The following SGTB variants were observed in gnomAD, a reference collection of about 807,000 sequenced individuals.
The protein encoded by SGTB is small glutamine rich tetratricopeptide repeat co-chaperone beta.
In SGTB, 19 loss-of-function variants were observed where a neutral mutation model predicts 43.9. That is an observed-to-expected ratio of 0.43 (90% CI 0.30 to 0.63). The LOEUF (loss-of-function observed/expected upper bound fraction) is 0.63. SGTB is among the 30% of genes least tolerant of loss of function. The pLI is 0.12. For synonymous variants in SGTB, 116 were observed against 117.3 expected, an observed-to-expected ratio of 0.99 and a Z score of 0.07; for missense variants, 304 against 358.9, an observed-to-expected ratio of 0.85 and a Z score of 1.24.
chr5:65,675,162 G>C (rs1461024439), intron 8 of SGTB, among the ~76,000 whole-genome samples: 2 of 152,192 alleles, frequency 1.3e-5, no homozygotes, highest in Admixed American at 6.5e-5. Flanking sequence ...TATTGGACCA[G>C]AGCGTGTATG....
intron 5 of SGTB, among the ~76,000 whole-genome samples, chr5:65,698,289 C>T (rs540522568): frequency 3.3e-5 from 5 of 152,302 alleles, no homozygotes; most frequent in Admixed American, 3.3e-4. Context: ...TAATGATATG[C>T]ATGCTAAGTA....
At chr5:65,686,421 C>A (rs1460212498) in intron 5 of SGTB, among the ~76,000 whole-genome samples, 1 of 152,200 alleles carries the variant, frequency 6.6e-6, no homozygotes, top group African/African-American at 2.4e-5. Context: ...GAGTCTCACG[C>A]CAACCCAAGT....
chr5:65,697,878 A>T (rs1757741529), intron 5 of SGTB, among the ~76,000 whole-genome samples: 1 of 152,250 alleles, frequency 6.6e-6, no homozygotes, highest in Non-Finnish European at 1.5e-5. Flanking sequence ...AATATTATTG[A>T]TCAATAAAAA....
At chr5:65,713,910 T>C (rs1203088074) in intron 2 of SGTB, among the ~76,000 whole-genome samples, 3 of 151,862 alleles carry the variant, frequency 2.0e-5, no homozygotes, top group African/African-American at 7.3e-5. Flanking sequence ...ACACCTATGG[T>C]CCCAGCTACT....
chr5:65,699,151 G>C (rs1359119196), intron 5 of SGTB, among the ~76,000 whole-genome samples: 1 of 152,214 alleles, frequency 6.6e-6, no homozygotes, highest in East Asian at 1.9e-4. Context: ...CGGCCAATGA[G>C]TGGATAAAGA....
chr5:65,709,246 G>A lies in SGTB; in HGVS notation c.205-688C>T, dbSNP rs138307319. Among the ~76,000 whole-genome samples the A allele has an allele frequency of 9.3e-3, 1,411 of 151,914 alleles. 28 individuals carry two copies. Among genetic ancestry groups the A allele is most frequent in the African/African-American group, 0.032 (1,332 of 41,422 alleles). Reference sequence around the variant, plus strand: ...TCCTATCTAAGATATACCCTACTAAGTCAAAATCACAATCTACAAAAAATC... The same window carrying A: ...TCCTATCTAAGATATACCCTACTAAATCAAAATCACAATCTACAAAAAATC... On this transcript the variant is annotated intron_variant, in intron 3 of 10. Transcript: ENST00000381007.
chr5:65,713,172 C>G, intron 2 of SGTB, 108 bp from the exon 3 acceptor site: 1 of 759,326 alleles, frequency 1.3e-6, no homozygotes, highest in Non-Finnish European at 2.1e-6. Context: ...TTTATGATCA[C>G]AGAACATAAG....
At position 65,668,269 on chromosome 5, in the gene SGTB, A is replaced by C. The variant is rs1049943861; in HGVS notation, c.*1977T>G. ...CGCCCGGCCAATTAGTCTTTTGATA[A>C]GGGTTCTATAAGGCCTAATCATCTG... On this transcript the variant is annotated 3_prime_UTR_variant, in exon 11 of 11. Transcript: ENST00000381007. The C allele has an allele frequency of 1.3e-5, 2 of 152,038 alleles. No individual in the cohort carries two copies. Among genetic ancestry groups the C allele is most frequent in the African/African-American group, 2.4e-5 (1 of 41,414 alleles). 9.4% of individuals were successfully genotyped at this position (152,038 alleles called of 1,614,324 possible). A position where few individuals can be genotyped will look rare whatever the true frequency, so the allele number is the denominator to read the frequency against.
chr5:65,673,202 G>A (rs1250002390), intron 8 of SGTB, among the ~76,000 whole-genome samples: 3 of 152,176 alleles, frequency 2.0e-5, no homozygotes, highest in African/African-American at 7.2e-5. Context: ...CTCCAGTTCA[G>A]CAATTAATGT....
chr5:65,690,992 C>T (rs1455556693), intron 5 of SGTB, among the ~76,000 whole-genome samples: 2 of 152,060 alleles, frequency 1.3e-5, no homozygotes, highest in African/African-American at 2.4e-5. Context: ...ACATAGCAGG[C>T]GTGCTAGTGG....
chr5:65,691,834 C>G (rs549721323), intron 5 of SGTB, among the ~76,000 whole-genome samples: 22 of 150,454 alleles, frequency 1.5e-4, no homozygotes, highest in Non-Finnish European at 2.8e-4. Context: ...GGGAGGCCGA[C>G]GCAGGAGAAT....
At chr5:65,718,082 C>T (rs1428070535) in intron 2 of SGTB, among the ~76,000 whole-genome samples, 1 of 152,120 alleles carries the variant, frequency 6.6e-6, no homozygotes, top group Admixed American at 6.6e-5. Context: ...CTTGGAAAGA[C>T]AGGCAATAGT....
intron 5 of SGTB, among the ~76,000 whole-genome samples, chr5:65,696,109 A>G (rs1473467739): frequency 2.0e-5 from 3 of 152,176 alleles, no homozygotes. Flanking sequence ...TCTTATTACA[A>G]TGGCCTGAGG....
At chr5:65,710,218 G>A (rs1758018548) in intron 3 of SGTB, among the ~76,000 whole-genome samples, 1 of 152,104 alleles carries the variant, frequency 6.6e-6, no homozygotes, top group African/African-American at 2.4e-5. Flanking sequence ...TTGTCCTACA[G>A]CACTTGGCTT....
intron 8 of SGTB, among the ~76,000 whole-genome samples, chr5:65,679,191 G>C (rs536360616): frequency 1.1e-4 from 17 of 152,190 alleles, no homozygotes; most frequent in Non-Finnish European, 2.4e-4. Flanking sequence ...GAAATGAACA[G>C]ACAATTCTCA....
chr5:65,714,913 A>G lies in SGTB; in HGVS notation c.101-1849T>C, dbSNP rs562470977. On this transcript the variant is annotated intron_variant, in intron 2 of 10. Transcript: ENST00000381007. ...AGGAATGAGCAAATGGAGAACCATT[A>G]AAGAATTTAGTGAGGGAGAATAACG... Among the ~76,000 whole-genome samples, 5 of 152,354 alleles carry G rather than the reference A, an allele frequency of 3.3e-5. No individual in the cohort carries two copies. In the East Asian group the frequency reaches 7.7e-4, roughly 23 times the overall value.
intron 3 of SGTB, among the ~76,000 whole-genome samples, chr5:65,712,643 A>G (rs1403388792): frequency 6.6e-6 from 1 of 152,224 alleles, no homozygotes; most frequent in African/African-American, 2.4e-5. Flanking sequence ...GATGCTGGAA[A>G]CCAAAAAATA....
intron 2 of SGTB, among the ~76,000 whole-genome samples, chr5:65,719,031 G>A (rs903115989): frequency 3.3e-5 from 5 of 152,094 alleles, no homozygotes; most frequent in Non-Finnish European, 7.4e-5. Context: ...AATCATCAAG[G>A]AGAACAAAAA....
chr5:65,672,714 A>G (rs1757182861), intron 8 of SGTB, among the ~76,000 whole-genome samples: 1 of 152,238 alleles, frequency 6.6e-6, no homozygotes. Flanking sequence ...AAGGAATTAT[A>G]TTTATGTGCA....
Sources: gnomAD v4.1 joint callset for allele counts (sites outside exome capture counted in the v4.1 genomes callset) on GRCh38, gnomAD v4.1.1 for gene constraint, MANE v1.5 for transcripts, NCBI Gene and HGNC (gene_info 2026-07-23, HGNC 2026-07-21) for gene names.